Variants in SLC25A36 observed in about 807,000 individuals in gnomAD.
The protein encoded by SLC25A36 is epididymis secretory sperm binding protein.
A neutral mutation model predicts 35.3 loss-of-function variants in SLC25A36; 24 were observed. That is an observed-to-expected ratio of 0.68 (90% CI 0.49 to 0.96). The LOEUF is 0.96. Among genes scored for constraint, SLC25A36 ranks in the 40% least tolerant of loss-of-function variants. The pLI, the probability that SLC25A36 is intolerant of heterozygous loss-of-function variation, is 0.00. For synonymous variants in SLC25A36, 141 were observed against 132.2 expected, an observed-to-expected ratio of 1.07 and a Z score of -0.46; for missense variants, 294 against 381.1, an observed-to-expected ratio of 0.77 and a Z score of 1.90.
At chr3:140,972,373 G>A in intron 5 of SLC25A36, among the ~76,000 whole-genome samples, 1 of 152,192 alleles carries the variant, frequency 6.6e-6, no homozygotes, top group African/African-American at 2.4e-5. Context: ...GGTTTATAAG[G>A]CTGAGGGCTG....
chr3:140,968,178 A>C lies in SLC25A36; in HGVS notation c.386-2749A>C, dbSNP rs568008921. 5.3e-6 allele frequency: 5 copies of C among 937,790 alleles called. No homozygotes were observed. The South Asian group carries it at 2.5e-4, about 46-fold the overall frequency. The allele number at this position is 937,790 out of a possible 1,614,324, so 58.1% of individuals were successfully genotyped here. ...TATTAGATTATATTTATTAGATGTA[A>C]TTAGCCTAGTAATGTCTATTTAGTT... On this transcript the variant is annotated intron_variant, in intron 4 of 6. Coordinates refer to ENST00000324194, the MANE Select transcript of SLC25A36 (RefSeq NM_001104647.3).
Position 140,978,516 on chromosome 3 carries a change from T to G in SLC25A36, c.*2063T>G, listed in dbSNP as rs867996225. The G allele has an allele frequency of 6.6e-6, 1 of 152,200 alleles. No homozygotes were observed. Among genetic ancestry groups the G allele is most frequent in the African/African-American group, 2.4e-5 (1 of 41,454 alleles). 9.4% of individuals were successfully genotyped at this position (152,200 alleles called of 1,614,324 possible). A position where few individuals can be genotyped will look rare whatever the true frequency, so the allele number is the denominator to read the frequency against. On this transcript the variant is annotated 3_prime_UTR_variant, in exon 7 of 7. Coordinates refer to ENST00000324194, the MANE Select transcript of SLC25A36 (RefSeq NM_001104647.3). The stretch of plus-strand genomic sequence containing the variant: ...ACCCCACAAATGATTAAGAATGATA[T>G]GAAAACCAGCAGCTAAGGAACATCT...
At chr3:140,971,971 G>C (rs1463335811) in intron 5 of SLC25A36, among the ~76,000 whole-genome samples, 2 of 152,136 alleles carry the variant, frequency 1.3e-5, no homozygotes, top group East Asian at 3.8e-4. Flanking sequence ...CTTCTGTTAT[G>C]TTGAACTATA....
intron 1 of SLC25A36, among the ~76,000 whole-genome samples, chr3:140,946,537 T>G (rs768377919): frequency 6.6e-6 from 1 of 152,190 alleles, no homozygotes; most frequent in Non-Finnish European, 1.5e-5. Flanking sequence ...TGACTGATAA[T>G]GGTGATTCAG....
In SLC25A36 at chr3:140,942,005, G is replaced by T. The variant is rs1359414047; in HGVS notation, c.-50G>T. The T allele has an allele frequency of 2.9e-6, 3 of 1,043,472 alleles. No homozygotes were observed. Among genetic ancestry groups the T allele is most frequent in the Admixed American group, 2.1e-5 (1 of 48,098 alleles). 64.6% of individuals were successfully genotyped at this position (1,043,472 alleles called of 1,614,324 possible). ...ACCGAAGCCGCCTGCCGTAGCGGGCGGCCAGATCCGCGTCCCGCCTCAGCG... is the reference window on the plus strand; with the variant it reads ...ACCGAAGCCGCCTGCCGTAGCGGGCTGCCAGATCCGCGTCCCGCCTCAGCG... On this transcript the variant is annotated 5_prime_UTR_variant, in exon 1 of 7. Transcript: ENST00000324194.
intron 1 of SLC25A36, among the ~76,000 whole-genome samples, chr3:140,948,337 CT>C (rs142174749): frequency 0.078 from 11,728 of 149,774 alleles, 574 homozygotes; most frequent in East Asian, 0.17. Context: ...ATTGATATTT[CT>C]TTTTTTTTTC....
intron 4 of SLC25A36, chr3:140,966,693 T>C (rs1559815585): frequency 5.8e-6 from 2 of 347,348 alleles, no homozygotes; most frequent in Non-Finnish European, 1.1e-5. Context: ...ATTGATCTTC[T>C]TTTAGGTAAG....
intron 4 of SLC25A36, 37 bp from the exon 5 acceptor site, chr3:140,970,890 A>AT: frequency 1.0e-6 from 1 of 956,352 alleles, no homozygotes; most frequent in Non-Finnish European, 1.7e-6. Context: ...TGAATTCTTC[A>AT]TTTTTACCAG....
chr3:140,957,201 A>G (rs905301899), intron 2 of SLC25A36: 2 of 152,232 alleles, frequency 1.3e-5, no homozygotes, highest in East Asian at 3.9e-4. Context: ...TTATGTTGCA[A>G]TTGGATTTGA....
At chr3:140,945,560 CTTG>C (rs1185740933) in intron 1 of SLC25A36, among the ~76,000 whole-genome samples, 8 of 152,176 alleles carry the variant, frequency 5.3e-5, no homozygotes, top group South Asian at 2.1e-4. Context: ...TCTTGAGACC[CTTG>C]TTGTGGTCTG....
chr3:140,956,847 A>G (rs1934493610), intron 2 of SLC25A36, 156 bp downstream of exon 2: 1 of 1,195,162 alleles, frequency 8.4e-7, no homozygotes, highest in Non-Finnish European at 1.1e-6. Flanking sequence ...GATAATCCCT[A>G]ATGGAGAAGA....
intron 4 of SLC25A36, chr3:140,965,098 C>T (rs950763940): frequency 6.6e-6 from 1 of 151,822 alleles, no homozygotes; most frequent in Non-Finnish European, 1.5e-5. Flanking sequence ...TTTGCAGTTA[C>T]ATTGTTCTGA....
In SLC25A36 at chr3:140,968,309, C is replaced by G. The variant is rs932978713; in HGVS notation, c.386-2618C>G. The G allele has an allele frequency of 1.0e-5, 8 of 766,156 alleles. No individual in the cohort carries two copies. In the East Asian group the frequency reaches 6.5e-4, roughly 62 times the overall value. 47.5% of individuals were successfully genotyped at this position (766,156 alleles called of 1,614,324 possible). A position where few individuals can be genotyped will look rare whatever the true frequency, so the allele number is the denominator to read the frequency against. ...TAAAACTGTGGATTGTGTCTAGATT[C>G]TTTACCTAACCCAATGGTTTGCTGG... On this transcript the variant is annotated intron_variant, in intron 4 of 6. Coordinates refer to ENST00000324194, the MANE Select transcript of SLC25A36 (RefSeq NM_001104647.3).
At chr3:140,955,009 A>G (rs1169447875) in intron 1 of SLC25A36, among the ~76,000 whole-genome samples, 3 of 152,074 alleles carry the variant, frequency 2.0e-5, no homozygotes, top group Admixed American at 6.5e-5. Context: ...ATTTCGAGTT[A>G]ATTTTAAAAT....
chr3:140,967,580 A>AAGTT (rs144624372), intron 4 of SLC25A36, among the ~76,000 whole-genome samples: 11,354 of 151,950 alleles, frequency 0.075, 527 homozygotes, highest in East Asian at 0.17. Flanking sequence ...GTTCTTACAG[A>AAGTT]AGTTGAAATA....
intron 5 of SLC25A36, 159 bp from the exon 6 acceptor site, chr3:140,973,557 G>A: frequency 1.7e-6 from 1 of 576,618 alleles, no homozygotes; most frequent in African/African-American, 1.9e-5. Context: ...ACAAATTTGG[G>A]ACAAAAGAAT....
In SLC25A36 at chr3:140,960,422, C is replaced by T. The variant is rs1217237306; in HGVS notation, c.284+882C>T. ...TTTCATAGCTGTCCTGCTGTGCGCT[C>T]CACCTGAAGTTAGTGTTCCTTTCTC... On this transcript the variant is annotated intron_variant, in intron 3 of 6. Transcript: ENST00000324194. Among the ~76,000 whole-genome samples, 176 of 152,126 alleles carry T rather than the reference C, an allele frequency of 1.2e-3. 3 individuals carry two copies. Among genetic ancestry groups the T allele is most frequent in the Non-Finnish European group, 1.2e-4 (8 of 68,022 alleles).
chr3:140,943,986 G>T (rs1056452714), intron 1 of SLC25A36, among the ~76,000 whole-genome samples: 1 of 139,860 alleles, frequency 7.2e-6, no homozygotes, highest in Non-Finnish European at 1.5e-5. Context: ...TGTAGTTAGA[G>T]TATTAAATGA....
intron 1 of SLC25A36, among the ~76,000 whole-genome samples, chr3:140,946,503 A>G (rs1304062226): frequency 6.6e-6 from 1 of 152,210 alleles, no homozygotes; most frequent in Admixed American, 6.5e-5. Flanking sequence ...TAGGGAGTTG[A>G]TCAGGCTATT....
Sources: allele counts gnomAD v4.1 joint callset (sites outside exome capture counted in the v4.1 genomes callset), GRCh38; gene constraint gnomAD v4.1.1; transcripts MANE v1.5; gene names NCBI Gene and HGNC (gene_info 2026-07-23, HGNC 2026-07-21).